AP1B1: variants seen among roughly 807,000 people sequenced by gnomAD.
The protein encoded by AP1B1 is adaptor related protein complex 1 subunit beta 1, also known as AP-1 complex subunit beta-1.
Under a neutral mutation model 104.3 loss-of-function variants are expected in AP1B1, and 36 were observed. That is an observed-to-expected ratio of 0.35 (90% CI 0.26 to 0.46). AP1B1 has a LOEUF of 0.46. Among genes scored for constraint, AP1B1 ranks in the 20% least tolerant of loss-of-function variants. AP1B1 has a pLI of 1.00. For synonymous variants in AP1B1, 504 were observed against 517.5 expected (o/e 0.97, Z 0.35); for missense variants, 901 against 1,247.9 (o/e 0.72, Z 4.19).
intron 8 of AP1B1, 133 bp downstream of exon 8, chr22:29,351,572 G>A: frequency 8.1e-7 from 1 of 1,233,480 alleles, no homozygotes; most frequent in Non-Finnish European, 1.1e-6. Context: ...GAAGCCCCAT[G>A]TCCCATGCTA....
intron 5 of AP1B1, among the ~76,000 whole-genome samples, chr22:29,358,004 G>T (rs2061986722): frequency 6.6e-6 from 1 of 152,124 alleles, no homozygotes; most frequent in East Asian, 1.9e-4. Context: ...TGTTTTTAAG[G>T]GTGTTCTGCA....
chr22:29,340,905 G>A, intron 13 of AP1B1, 48 bp from the exon 14 acceptor site: 2 of 1,535,888 alleles, frequency 1.3e-6, no homozygotes, highest in South Asian at 2.4e-5. Context: ...GTCTCAGGAA[G>A]GTCAAAGAGA....
rs559710152 is a variant in AP1B1 at position 29,327,843 on chromosome 22, A to T, written c.*978T>A. 2.6e-5 allele frequency: 4 copies of T among 152,268 alleles called. No individual in the cohort carries two copies. The East Asian group carries it at 5.8e-4, about 22-fold the overall frequency. 9.4% of individuals were successfully genotyped at this position (152,268 alleles called of 1,614,324 possible). The stretch of plus-strand genomic sequence containing the variant: ...ATCCTGACATTCGGTGGAGGGGAAA[A>T]AAGTGTCCGTGATTGCCAAAAGCCG... On this transcript the variant is annotated 3_prime_UTR_variant, in exon 23 of 23. Coordinates refer to ENST00000357586, the MANE Select transcript of AP1B1 (RefSeq NM_001127.4).
In AP1B1 at chr22:29,345,307, C is replaced by T. The variant is rs376432152; in HGVS notation, c.1438-2924G>A. ...TCCTGGACTCAAAAGATCCTCCTGC[C>T]TCGGCCTCCCAAAGTGCTGGGTTAC... On this transcript the variant is annotated intron_variant, in intron 11 of 22. Transcript: ENST00000357586. Among the ~76,000 whole-genome samples, 10 of 150,550 alleles carry T rather than the reference C, an allele frequency of 6.6e-5. No homozygotes were observed. In the East Asian group the frequency reaches 2.0e-3, roughly 29 times the overall value.
At chr22:29,361,485 C>T (rs1299434307) in intron 3 of AP1B1, among the ~76,000 whole-genome samples, 2 of 152,086 alleles carry the variant, frequency 1.3e-5, no homozygotes, top group African/African-American at 2.4e-5. Context: ...TAGGCAGTCA[C>T]TTTATGTTTT....
intron 7 of AP1B1, among the ~76,000 whole-genome samples, chr22:29,354,391 G>A (rs1039966246): frequency 6.6e-6 from 1 of 152,114 alleles, no homozygotes; most frequent in Non-Finnish European, 1.5e-5. Context: ...TGCACTGTAG[G>A]ATGCTGACCA....
chr22:29,357,024 G>A (rs2061969147), intron 5 of AP1B1, among the ~76,000 whole-genome samples: 1 of 151,866 alleles, frequency 6.6e-6, no homozygotes. Context: ...GAAGCTCCAG[G>A]CCCTCAATCC....
At chr22:29,367,711 G>T (rs1230050616) in intron 1 of AP1B1, among the ~76,000 whole-genome samples, 1 of 152,086 alleles carries the variant, frequency 6.6e-6, no homozygotes, top group East Asian at 1.9e-4. Flanking sequence ...GCTCAGCACT[G>T]TCCTAAATGC....
chr22:29,373,973 G>A (rs1041955460), intron 1 of AP1B1, among the ~76,000 whole-genome samples: 14 of 148,382 alleles, frequency 9.4e-5, no homozygotes, highest in African/African-American at 3.5e-4. Flanking sequence ...TGAGGGGGGT[G>A]GATCACCTGA....
chr22:29,381,049 C>T (rs1408060036), intron 1 of AP1B1, among the ~76,000 whole-genome samples: 1 of 152,190 alleles, frequency 6.6e-6, no homozygotes, highest in South Asian at 2.1e-4. Flanking sequence ...TACTGATCCT[C>T]GAACACAACA....
chr22:29,353,558 A>G (rs1209217911), intron 7 of AP1B1, among the ~76,000 whole-genome samples: 1 of 152,228 alleles, frequency 6.6e-6, no homozygotes, highest in African/African-American at 2.4e-5. Context: ...CACTGCAACC[A>G]GGAAGCCCTA....
chr22:29,345,333 A>G (rs2061775992), intron 11 of AP1B1, among the ~76,000 whole-genome samples: 1 of 145,720 alleles, frequency 6.9e-6, no homozygotes, highest in Admixed American at 6.9e-5. Context: ...GCTGGGTTAC[A>G]GGCATGAGCT....
At chr22:29,335,136 C>T (rs1244589337) in intron 16 of AP1B1, among the ~76,000 whole-genome samples, 2 of 152,336 alleles carry the variant, frequency 1.3e-5, no homozygotes, top group Middle Eastern at 6.8e-3. Context: ...ACCACCTTGG[C>T]TCAGAGCCTG....
intron 18 of AP1B1, 99 bp from the exon 19 acceptor site, chr22:29,331,632 C>T: frequency 6.3e-7 from 1 of 1,575,336 alleles, no homozygotes. Context: ...CAGGGCCTTC[C>T]CTGGTAAACA....
At chr22:29,337,875 C>A (rs541133951) in intron 16 of AP1B1, among the ~76,000 whole-genome samples, 4 of 152,340 alleles carry the variant, frequency 2.6e-5, no homozygotes, top group African/African-American at 7.2e-5. Context: ...TGCTTCTGCC[C>A]CACCCCTTCC....
chr22:29,371,243 C>T (rs1017660467), intron 1 of AP1B1, among the ~76,000 whole-genome samples: 5 of 152,176 alleles, frequency 3.3e-5, no homozygotes, highest in African/African-American at 1.2e-4. Context: ...ATTTCTCATT[C>T]TCTCCGCAGG....
At chr22:29,383,358 T>G (rs2062467287) in intron 1 of AP1B1, among the ~76,000 whole-genome samples, 1 of 152,146 alleles carries the variant, frequency 6.6e-6, no homozygotes, top group Non-Finnish European at 1.5e-5. Flanking sequence ...AGTCTATTCC[T>G]CTATGGAACT....
chr22:29,370,315 T>A (rs4820809), intron 1 of AP1B1, among the ~76,000 whole-genome samples: 53,496 of 151,296 alleles, frequency 0.35, 10,338 homozygotes, highest in East Asian at 0.66. Context: ...TAGCTGGGCG[T>A]GGTGGCATGT....
At chr22:29,350,878 G>C (rs1186053578) in intron 9 of AP1B1, among the ~76,000 whole-genome samples, 2 of 152,242 alleles carry the variant, frequency 1.3e-5, no homozygotes, top group African/African-American at 2.4e-5. Context: ...TCTGTGAAGT[G>C]AATGCTAAGT....
Sources: gnomAD v4.1 joint callset for allele counts (sites outside exome capture counted in the v4.1 genomes callset) on GRCh38, gnomAD v4.1.1 for gene constraint, MANE v1.5 for transcripts, NCBI Gene and HGNC (gene_info 2026-07-23, HGNC 2026-07-21) for gene names.